Variants in ACTN2 observed in about 807,000 individuals in gnomAD.
The protein encoded by ACTN2 is alpha-actinin-2.
A neutral mutation model predicts 113.8 loss-of-function variants in ACTN2; 39 were observed. That is an observed-to-expected ratio of 0.34 (90% CI 0.27 to 0.45). The LOEUF (loss-of-function observed/expected upper bound fraction) is 0.45. ACTN2 is among the 20% of genes least tolerant of loss of function. ACTN2 has a pLI of 1.00. For missense variants in ACTN2, 992 were observed against 1,177.9 expected (o/e 0.84, Z 2.31); for synonymous variants, 429 against 444.1 (o/e 0.97, Z 0.43).
chr1:236,712,706 T>G (rs989284852), intron 1 of ACTN2, among the ~76,000 whole-genome samples: 4 of 152,076 alleles, frequency 2.6e-5, no homozygotes, highest in African/African-American at 4.8e-5. Context: ...TCAAACAGAC[T>G]TTCTGTGGTT....
intron 4 of ACTN2, among the ~76,000 whole-genome samples, chr1:236,722,482 A>G (rs1029704529): frequency 6.6e-6 from 1 of 151,988 alleles, no homozygotes; most frequent in African/African-American, 2.4e-5. Context: ...TAAAAATACA[A>G]AAATTAGCCA....
chr1:236,696,787 T>C (rs557299697), intron 1 of ACTN2, among the ~76,000 whole-genome samples: 1 of 151,680 alleles, frequency 6.6e-6, no homozygotes, highest in Non-Finnish European at 1.5e-5. Flanking sequence ...TACCTCAGCC[T>C]CCTGAGTAGC....
At chr1:236,736,189 C>A (rs1178345392) in intron 8 of ACTN2, among the ~76,000 whole-genome samples, 1 of 152,174 alleles carries the variant, frequency 6.6e-6, no homozygotes, top group Non-Finnish European at 1.5e-5. Context: ...GAGTTGGAAC[C>A]TCAAAAAATT....
intron 1 of ACTN2, among the ~76,000 whole-genome samples, chr1:236,717,474 A>G (rs984925985): frequency 1.3e-5 from 2 of 152,100 alleles, no homozygotes; most frequent in African/African-American, 2.4e-5. Context: ...TTATTCATCT[A>G]TTCTGCTGCA....
At chr1:236,753,833 T>G in intron 15 of ACTN2, 114 bp from the exon 16 acceptor site, 17 of 1,130,586 alleles carry the variant, frequency 1.5e-5, no homozygotes, top group Non-Finnish European at 1.8e-5. Flanking sequence ...CCTCCTCCCT[T>G]CGTTTCTCCT....
chr1:236,691,866 C>T (rs531778088), intron 1 of ACTN2, among the ~76,000 whole-genome samples: 6 of 152,052 alleles, frequency 3.9e-5, no homozygotes, highest in African/African-American at 1.2e-4. Context: ...TGTTTGTGCA[C>T]GTGTGATAGG....
At position 236,737,318 on chromosome 1, in the gene ACTN2, T is replaced by TATATATATATATATA. The variant is rs1465770912; in HGVS notation, c.876+104_876+105insATATATATATATATA. On this transcript the variant is annotated intron_variant, in intron 9 of 20. Transcript: ENST00000366578. ...GGGGGCATATATATATATATATATA[T>TATATATATATATATA]TTTGCATTTTTCATCTCAGATAGGA... The TATATATATATATATA allele has an allele frequency of 2.0e-3, 587 of 296,206 alleles. 125 individuals are homozygous for TATATATATATATATA. Among genetic ancestry groups the TATATATATATATATA allele is most frequent in the Non-Finnish European group, 2.9e-3 (421 of 145,842 alleles). 18.3% of individuals were successfully genotyped at this position (296,206 alleles called of 1,614,324 possible).
chr1:236,737,155 C>G lies in ACTN2; in HGVS notation c.817C>G (p.Leu273Val), dbSNP rs1658904274. Residue 273 changes from leucine (L) to valine (V), a missense_variant, in exon 9 of 21, where the codon CTT (leucine) becomes GTT (valine). Around this residue, in one of 3 missense-constraint regions of ACTN2, gnomAD observed 220 missense variants for 337.5 expected, o/e 0.65. Transcript: ENST00000366578. ...AGCGGCTAACAGGATATGTAAGGTT[C>G]TTGCTGTGAATCAAGAGAATGAGAG... ...ETAANRICKV[L>V]AVNQENERLM... 2 of 1,608,868 alleles carry G rather than the reference C, an allele frequency of 1.2e-6. No individual in the cohort carries two copies. The highest frequency in any genetic ancestry group is 1.7e-6 in the Non-Finnish European group (2 of 1,177,012).
At chr1:236,762,347 A>C in intron 20 of ACTN2, 114 bp from the exon 21 acceptor site, 8 of 1,402,236 alleles carry the variant, frequency 5.7e-6, no homozygotes, top group Non-Finnish European at 8.0e-6. Context: ...TAGACTCCCT[A>C]TTCTTTAGTC....
chr1:236,694,649 T>C (rs1410498265), intron 1 of ACTN2, among the ~76,000 whole-genome samples: 1 of 152,234 alleles, frequency 6.6e-6, no homozygotes, highest in Non-Finnish European at 1.5e-5. Context: ...CTTTATGACT[T>C]TTTGAGCTCT....
At chr1:236,716,643 G>A (rs1658222994) in intron 1 of ACTN2, among the ~76,000 whole-genome samples, 1 of 151,908 alleles carries the variant, frequency 6.6e-6, no homozygotes, top group African/African-American at 2.4e-5. Context: ...ATGCTTGTAG[G>A]AGGTTATTGT....
At chr1:236,704,254 GA>G (rs1338792053) in intron 1 of ACTN2, among the ~76,000 whole-genome samples, 2 of 152,126 alleles carry the variant, frequency 1.3e-5, no homozygotes, top group African/African-American at 2.4e-5. Flanking sequence ...GTTGAGTGTG[GA>G]AAAAACTCAA....
chr1:236,691,888 C>T (rs17648708), intron 1 of ACTN2, among the ~76,000 whole-genome samples: 7,465 of 152,202 alleles, frequency 0.049, 273 homozygotes, highest in Admixed American at 0.074. Flanking sequence ...AGATAATACC[C>T]GATGCTAAAG....
At chr1:236,741,963 C>G (rs1426583832) in intron 10 of ACTN2, among the ~76,000 whole-genome samples, 1 of 152,200 alleles carries the variant, frequency 6.6e-6, no homozygotes, top group African/African-American at 2.4e-5. Context: ...CTGCCACACC[C>G]CCTGCCTGCC....
intron 9 of ACTN2, 103 bp downstream of exon 9, chr1:236,737,317 A>ATATTTTTTTT (rs1260600266): frequency 6.9e-6 from 2 of 288,884 alleles, no homozygotes; most frequent in Admixed American, 4.6e-5. Flanking sequence ...ATATATATAT[A>ATATTTTTTTT]TTTTGCATTT....
In ACTN2 at chr1:236,764,051, C is replaced by T. The variant is rs1384129382; in HGVS notation, c.*1432C>T. 6.6e-6 allele frequency: 1 copy of T among 152,178 alleles called. No individual in the cohort carries two copies. The highest frequency in any genetic ancestry group is 1.5e-5 in the Non-Finnish European group (1 of 68,034). 9.4% of individuals were successfully genotyped at this position (152,178 alleles called of 1,614,324 possible). On this transcript the variant is annotated 3_prime_UTR_variant, in exon 21 of 21. Transcript: ENST00000366578. Reference sequence around the variant, plus strand: ...GAAGCAGTAACATGTCTGTTACCTACAGTCTGTTTGCTCAGATTTTTATAG... The same window carrying T: ...GAAGCAGTAACATGTCTGTTACCTATAGTCTGTTTGCTCAGATTTTTATAG...
chr1:236,691,479 C>CA (rs200130085), intron 1 of ACTN2, among the ~76,000 whole-genome samples: 2,640 of 149,442 alleles, frequency 0.018, 24 homozygotes, highest in Middle Eastern at 0.068. Context: ...CCCGTCTTTG[C>CA]AAAAAAAATA....
chr1:236,760,020 T>G (rs1050210181), intron 19 of ACTN2, among the ~76,000 whole-genome samples: 7 of 152,308 alleles, frequency 4.6e-5, no homozygotes, highest in African/African-American at 1.7e-4. Context: ...CCGAGGCGGA[T>G]GGATCACCTG....
chr1:236,755,148 A>C lies in ACTN2; in HGVS notation c.2104A>C (p.Ile702Leu). The C allele has an allele frequency of 6.2e-7, 1 of 1,614,206 alleles. No individual in the cohort carries two copies. The highest frequency in any genetic ancestry group is 8.5e-7 in the Non-Finnish European group (1 of 1,180,048). Residue 702 changes from isoleucine to leucine, a missense_variant, in exon 17 of 21, where the codon ATC (isoleucine) becomes CTC (leucine). Physicochemically the swap from Ile to Leu is conservative, Grantham distance 5 (BLOSUM62 2). Coordinates refer to ENST00000366578, the MANE Select transcript of ACTN2 (RefSeq NM_001103.4). Reference protein sequence around the residue: ...IDKLEGDHQLIQEALVFDNKH... With the variant: ...IDKLEGDHQLLQEALVFDNKH... ...CAAGCTGGAGGGAGACCATCAGCTC[A>C]TCCAGGAGGCCCTTGTCTTTGACAA... is the stretch of plus-strand genomic sequence containing the variant.
Sources: gnomAD v4.1 joint callset for allele counts (sites outside exome capture counted in the v4.1 genomes callset) on GRCh38, gnomAD v4.1.1 for gene constraint, gnomAD v4.1.1 regional missense constraint, MANE v1.5 for transcripts, NCBI Gene and HGNC (gene_info 2026-07-23, HGNC 2026-07-21) for gene names.